The following LRMDA variants were observed in gnomAD, a reference collection of about 807,000 sequenced individuals.
LRMDA encodes the protein leucine-rich melanocyte differentiation-associated protein.
Under a neutral mutation model 29.8 loss-of-function variants are expected in LRMDA, and 18 were observed. That is an observed-to-expected ratio of 0.60 (90% CI 0.42 to 0.90). The LOEUF (loss-of-function observed/expected upper bound fraction) is 0.90. LRMDA is among the 40% of genes least tolerant of loss of function. The pLI, the probability that LRMDA is intolerant of heterozygous loss-of-function variation, is 0.00. For missense variants in LRMDA, 273 were observed against 273.9 expected, an observed-to-expected ratio of 1.00 and a Z score of 0.02; for synonymous variants, 125 against 109.4, an observed-to-expected ratio of 1.14 and a Z score of -0.89.
At chr10:76,233,024 G>T (rs575347369) in intron 5 of LRMDA, among the ~76,000 whole-genome samples, 220 of 152,324 alleles carry the variant, frequency 1.4e-3, no homozygotes, top group Middle Eastern at 6.8e-3. Flanking sequence ...AGAAAAGTGC[G>T]CCAAATGGGA....
At chr10:75,538,020 G>A (rs1310995005) in intron 2 of LRMDA, among the ~76,000 whole-genome samples, 2 of 152,096 alleles carry the variant, frequency 1.3e-5, no homozygotes, top group African/African-American at 4.8e-5. Flanking sequence ...CAAAGTTGAG[G>A]GCTCATCACA....
intron 2 of LRMDA, among the ~76,000 whole-genome samples, chr10:75,667,971 C>T (rs190562013): frequency 6.6e-6 from 1 of 152,310 alleles, no homozygotes; most frequent in African/African-American, 2.4e-5. Flanking sequence ...CAACAGCAAC[C>T]ACTCACACTA....
chr10:75,744,754 A>G (rs1227305396), intron 2 of LRMDA, among the ~76,000 whole-genome samples: 1 of 152,156 alleles, frequency 6.6e-6, no homozygotes, highest in African/African-American at 2.4e-5. Context: ...AAATGTGGCC[A>G]TTGAGGCACT....
intron 2 of LRMDA, among the ~76,000 whole-genome samples, chr10:75,533,170 G>A (rs1043678285): frequency 8.5e-5 from 13 of 152,172 alleles, no homozygotes; most frequent in Non-Finnish European, 1.2e-4. Context: ...AATATTCTGC[G>A]TTCTTTCAAC....
At chr10:76,384,773 C>A (rs1841640110) in intron 6 of LRMDA, among the ~76,000 whole-genome samples, 1 of 152,196 alleles carries the variant, frequency 6.6e-6, no homozygotes, top group Non-Finnish European at 1.5e-5. Flanking sequence ...ATTTCTTCCA[C>A]ATGTGTTAAT....
chr10:75,629,965 A>G (rs1179696706), intron 2 of LRMDA, among the ~76,000 whole-genome samples: 1 of 152,254 alleles, frequency 6.6e-6, no homozygotes, highest in Non-Finnish European at 1.5e-5. Flanking sequence ...TTTAAAAAGA[A>G]CAGCCATTCC....
At chr10:75,962,506 A>G (rs1846786569) in intron 2 of LRMDA, among the ~76,000 whole-genome samples, 1 of 152,220 alleles carries the variant, frequency 6.6e-6, no homozygotes, top group Admixed American at 6.5e-5. Context: ...ACTGGACCAG[A>G]TGACCCTCTG....
At chr10:76,105,581 C>A (rs1280461605) in intron 5 of LRMDA, among the ~76,000 whole-genome samples, 1 of 152,036 alleles carries the variant, frequency 6.6e-6, no homozygotes, top group Admixed American at 6.6e-5. Context: ...AGAAGACAGG[C>A]AGAGACTGGA....
At chr10:75,796,209 G>A (rs972273517) in intron 2 of LRMDA, among the ~76,000 whole-genome samples, 1 of 152,138 alleles carries the variant, frequency 6.6e-6, no homozygotes, top group African/African-American at 2.4e-5. Flanking sequence ...CTGGCCAGAG[G>A]TTCCAGTACA....
chr10:75,785,224 G>T (rs540142764), intron 2 of LRMDA, among the ~76,000 whole-genome samples: 3 of 152,296 alleles, frequency 2.0e-5, no homozygotes, highest in East Asian at 3.9e-4. Context: ...CTCCTTTCCT[G>T]TCTTCTGAAT....
At chr10:75,781,613 C>T (rs189707255) in intron 2 of LRMDA, among the ~76,000 whole-genome samples, 21 of 152,100 alleles carry the variant, frequency 1.4e-4, no homozygotes, top group Admixed American at 9.2e-4. Context: ...GTGAGGGAAG[C>T]GAGGCTATAA....
At chr10:76,076,689 G>A (rs1196500016) in intron 5 of LRMDA, among the ~76,000 whole-genome samples, 1 of 152,066 alleles carries the variant, frequency 6.6e-6, no homozygotes, top group Non-Finnish European at 1.5e-5. Flanking sequence ...TCTCTAACCT[G>A]GCCATTCTGG....
chr10:76,180,873 C>A (rs975362676), intron 5 of LRMDA, among the ~76,000 whole-genome samples: 1 of 152,146 alleles, frequency 6.6e-6, no homozygotes, highest in Non-Finnish European at 1.5e-5. Flanking sequence ...TATCAATCTA[C>A]CCTAGAGTCT....
Position 75,775,651 on chromosome 10 carries a change from G to C in LRMDA, c.132-260357G>C, listed in dbSNP as rs948314439. ...GATGTAAGCAGCTCTTGTGCGTGGG[G>C]AAACCTCCCACATCCCACTGAGGAG... On this transcript the variant is annotated intron_variant, in intron 2 of 6. Transcript: ENST00000611255. Among the ~76,000 whole-genome samples the C allele has an allele frequency of 2.6e-5, 4 of 152,242 alleles. No homozygotes were observed. The South Asian group carries it at 6.2e-4, about 24-fold the overall frequency.
intron 2 of LRMDA, among the ~76,000 whole-genome samples, chr10:75,735,914 C>T (rs1237569814): frequency 1.3e-5 from 2 of 152,076 alleles, no homozygotes; most frequent in African/African-American, 4.8e-5. Context: ...TTACATCTTT[C>T]CACGGTAAGA....
chr10:76,234,900 G>A (rs150402896), intron 5 of LRMDA, among the ~76,000 whole-genome samples: 2,047 of 152,244 alleles, frequency 0.013, 45 homozygotes, highest in African/African-American at 0.043. Context: ...CAGCAATAAG[G>A]CTGTTTCACT....
At chr10:76,491,556 C>A (rs1437330178) in intron 6 of LRMDA, among the ~76,000 whole-genome samples, 3 of 151,970 alleles carry the variant, frequency 2.0e-5, no homozygotes, top group Admixed American at 2.0e-4. Context: ...AGATGTGTTG[C>A]AGATCCATGG....
In LRMDA at chr10:75,767,815, C is replaced by T. The variant is rs539660427; in HGVS notation, c.132-268193C>T. ...GTATTCGCAAATGTGATTAAGTTAA[C>T]GATCTTGGGCTGGAAAGATTCTCTT... On this transcript the variant is annotated intron_variant, in intron 2 of 6. Transcript: ENST00000611255. 1.1e-4 allele frequency among the ~76,000 whole-genome samples: 16 copies of T among 152,268 alleles called. No individual in the cohort carries two copies. In the South Asian group the frequency reaches 1.5e-3, roughly 14 times the overall value.
chr10:76,024,883 C>T (rs1019507316), intron 2 of LRMDA, among the ~76,000 whole-genome samples: 6 of 152,256 alleles, frequency 3.9e-5, no homozygotes, highest in African/African-American at 9.6e-5. Context: ...GAGCAGCGTT[C>T]TTGGCCCAAC....
Sources: allele counts gnomAD v4.1 joint callset (sites outside exome capture counted in the v4.1 genomes callset), GRCh38; gene constraint gnomAD v4.1.1; transcripts MANE v1.5; gene names NCBI Gene and HGNC (gene_info 2026-07-23, HGNC 2026-07-21).